The following BOLL variants were observed in gnomAD, a reference collection of about 807,000 sequenced individuals.
BOLL encodes protein boule-like.
BOLL carries 23 observed loss-of-function variants against 44.4 expected under a neutral mutation model. That is an observed-to-expected ratio of 0.52 (90% CI 0.37 to 0.73). The LOEUF (loss-of-function observed/expected upper bound fraction) is 0.73, where lower values mean the gene tolerates loss of function less well. Among genes scored for constraint, BOLL ranks in the 30% least tolerant of loss-of-function variants. BOLL has a pLI of 0.00. For missense variants in BOLL, 287 were observed against 338.3 expected (o/e 0.85, Z 1.19); for synonymous variants, 97 against 110.8 (o/e 0.88, Z 0.78).
At chr2:197,778,899 A>G in intron 3 of BOLL, 76 bp downstream of exon 3, 1 of 1,270,568 alleles carries the variant, frequency 7.9e-7, no homozygotes, top group East Asian at 2.4e-5. Flanking sequence ...GAACCAAAGT[A>G]AACTGGCGTA....
chr2:197,762,532 A>T (rs1285900501), intron 7 of BOLL, among the ~76,000 whole-genome samples: 2 of 152,200 alleles, frequency 1.3e-5, no homozygotes, highest in African/African-American at 2.4e-5. Context: ...AAAAATTAAA[A>T]AAAACTGAAA....
chr2:197,757,445 C>A, intron 7 of BOLL, 45 bp from the exon 8 acceptor site: 1 of 1,557,358 alleles, frequency 6.4e-7, no homozygotes. Context: ...TGATTATAAA[C>A]AAGGGTTAAA....
intron 9 of BOLL, among the ~76,000 whole-genome samples, chr2:197,748,281 G>T (rs1688076093): frequency 6.6e-6 from 1 of 152,214 alleles, no homozygotes; most frequent in Non-Finnish European, 1.5e-5. Flanking sequence ...CAGGGCCCTG[G>T]ATTTCAAGCA....
At chr2:197,731,172 G>A (rs1050119425) in intron 10 of BOLL, among the ~76,000 whole-genome samples, 1 of 151,806 alleles carries the variant, frequency 6.6e-6, no homozygotes, top group East Asian at 1.9e-4. Flanking sequence ...TCCTGGTCTT[G>A]GATAAAACAG....
chr2:197,734,116 G>GA (rs1262324228), intron 10 of BOLL, among the ~76,000 whole-genome samples: 1 of 150,400 alleles, frequency 6.6e-6, no homozygotes, highest in Non-Finnish European at 1.5e-5. Context: ...AAATTTACAA[G>GA]AAAAAAACAA....
At chr2:197,763,309 C>G (rs918761487) in intron 7 of BOLL, among the ~76,000 whole-genome samples, 1 of 151,782 alleles carries the variant, frequency 6.6e-6, no homozygotes, top group Non-Finnish European at 1.5e-5. Flanking sequence ...GGTGAAACCC[C>G]GTCTCTACTA....
intron 5 of BOLL, among the ~76,000 whole-genome samples, chr2:197,772,942 G>A (rs542947945): frequency 6.6e-6 from 1 of 151,952 alleles, no homozygotes; most frequent in Admixed American, 6.6e-5. Flanking sequence ...CTGGGACAGG[G>A]CCTAAGAATT....
At chr2:197,769,123 T>A (rs563982046) in intron 6 of BOLL, among the ~76,000 whole-genome samples, 1 of 152,078 alleles carries the variant, frequency 6.6e-6, no homozygotes, top group African/African-American at 2.4e-5. Flanking sequence ...TAAAATTCTC[T>A]TTTTTTGTTG....
intron 6 of BOLL, among the ~76,000 whole-genome samples, chr2:197,769,329 C>G (rs1689132282): frequency 6.6e-6 from 1 of 152,064 alleles, no homozygotes; most frequent in African/African-American, 2.4e-5. Flanking sequence ...ATGATTGCCT[C>G]AATTTCAGAG....
rs1288076362 is a variant in BOLL, at chr2:197,777,114, CTAAA to C, written c.222-5_222-2del. On this transcript the variant is annotated splice_acceptor_variant and splice_polypyrimidine_tract_variant and intron_variant, in intron 3 of 10. Transcript: ENST00000392296. LOFTEE classifies it high-confidence loss of function. ...TGTTTCAAAAGTGACGAAACCATAC[CTAAA>C]TAAATGCATTAATTATTACTAATTA... 1 of 1,527,576 alleles carries C rather than the reference CTAAA, an allele frequency of 6.5e-7. No homozygotes were observed. Among genetic ancestry groups the C allele is most frequent in the East Asian group, 2.3e-5 (1 of 43,512 alleles). The allele number at this position is 1,527,576 out of a possible 1,614,324, so 94.6% of individuals were successfully genotyped here.
chr2:197,765,471 G>A (rs1326711488), intron 7 of BOLL, among the ~76,000 whole-genome samples: 1 of 151,794 alleles, frequency 6.6e-6, no homozygotes, highest in African/African-American at 2.4e-5. Flanking sequence ...ATAGCTAGGA[G>A]GCTATTGAAT....
chr2:197,786,176 G>A (rs1191008547), upstream of BOLL: 3 of 929,434 alleles, frequency 3.2e-6, no homozygotes, highest in Admixed American at 3.6e-5. This position sits in a 1 kb window ranked among gnomAD's most constrained non-coding sequence, Gnocchi z 5.9. Context: ...CCCTGAACCT[G>A]CCACCTGGCG....
chr2:197,775,999 A>C (rs1373446540), intron 4 of BOLL, among the ~76,000 whole-genome samples: 1 of 151,878 alleles, frequency 6.6e-6, no homozygotes, highest in African/African-American at 2.4e-5. Context: ...TACTTGCTAA[A>C]ATTTACTTGT....
At chr2:197,776,957 C>G in intron 4 of BOLL, 102 bp downstream of exon 4, 1 of 910,714 alleles carries the variant, frequency 1.1e-6, no homozygotes, top group Non-Finnish European at 1.6e-6. Context: ...AAGATGCAAA[C>G]CTTTTTTAAA....
At chr2:197,783,705 A>G (rs1689903779) in intron 1 of BOLL, among the ~76,000 whole-genome samples, 2 of 152,188 alleles carry the variant, frequency 1.3e-5, no homozygotes, top group African/African-American at 4.8e-5. Context: ...GTTATTTGTG[A>G]CTTCAGTCAC....
chr2:197,743,262 A>C (rs1026043980), intron 9 of BOLL, 103 bp from the exon 10 acceptor site: 1 of 686,636 alleles, frequency 1.5e-6, no homozygotes, highest in Admixed American at 3.9e-5. Context: ...ACAATGTAGA[A>C]ACAGTTAAAA....
chr2:197,756,543 G>C lies in BOLL; in HGVS notation c.614C>G (p.Ser205Cys). ...AGGTTGCAGGTATAAGAATGGAGCA[G>C]AAGAGGCAGAAGGCTAAAATACAAA... ...QWSVPQPSAS[S>C]APFLYLQPSE... The change falls in exon 9 of 11, where the codon TCT (serine) becomes TGT (cysteine). Residue 205 changes from serine (S) to cysteine (C), a missense_variant. By Grantham distance (112) the Ser-to-Cys change is moderately radical (BLOSUM62 -1). Transcript: ENST00000392296. 2.5e-6 allele frequency: 4 copies of C among 1,605,782 alleles called. No homozygotes were observed. Among genetic ancestry groups the C allele is most frequent in the Non-Finnish European group, 3.4e-6 (4 of 1,176,076 alleles).
At chr2:197,755,151 G>A (rs1215259725) in intron 9 of BOLL, among the ~76,000 whole-genome samples, 2 of 152,162 alleles carry the variant, frequency 1.3e-5, no homozygotes, top group Non-Finnish European at 2.9e-5. Flanking sequence ...AAAAAGCTCA[G>A]CATCACTGAT....
chr2:197,757,227 C>A, intron 8 of BOLL, 126 bp downstream of exon 8: 1 of 726,180 alleles, frequency 1.4e-6, no homozygotes, highest in Non-Finnish European at 2.2e-6. Flanking sequence ...AATGAACTGC[C>A]AAAAGAATAA....
Sources: gnomAD v4.1 joint callset for allele counts (sites outside exome capture counted in the v4.1 genomes callset) on GRCh38, gnomAD v4.1.1 for gene constraint, Gnocchi (gnomAD v3.1) non-coding constraint, MANE v1.5 for transcripts, NCBI Gene and HGNC (gene_info 2026-07-23, HGNC 2026-07-21) for gene names.